SGCD: variants seen among roughly 807,000 people sequenced by gnomAD.
SGCD encodes sarcoglycan delta.
In SGCD, 18 loss-of-function variants were observed where a neutral mutation model predicts 36.6. The ratio of observed to expected loss-of-function variants is 0.49; its 90% confidence interval spans 0.34 to 0.73. The LOEUF (loss-of-function observed/expected upper bound fraction) is 0.73. SGCD is among the 30% of genes least tolerant of loss of function. The pLI, the probability that SGCD is intolerant of heterozygous loss-of-function variation, is 0.01. For missense variants in SGCD, 387 were observed against 346.7 expected, an observed-to-expected ratio of 1.12 and a Z score of -0.92; for synonymous variants, 133 against 130.6, an observed-to-expected ratio of 1.02 and a Z score of -0.12.
chr5:156,152,918 C>G (rs1762864908), intron 3 of SGCD, among the ~76,000 whole-genome samples: 1 of 151,608 alleles, frequency 6.6e-6, no homozygotes, highest in Non-Finnish European at 1.5e-5. Context: ...AAAAAGGCAT[C>G]AGGTGACATC....
rs1760212243 is a variant in SGCD, at chr5:156,061,749, A to G, written c.-281-56129A>G. ...TCAATGTAAAGAAAAAGTAAGACCC[A>G]AAGGCAACAAATATCTAATGGGTTG... On this transcript the variant is annotated intron_variant, in intron 1 of 9. Transcript: ENST00000517913. 1.4e-5 allele frequency among the ~76,000 whole-genome samples: 2 copies of G among 145,170 alleles called. 1 individual carries two copies. Among genetic ancestry groups the G allele is most frequent in the African/African-American group, 4.9e-5 (2 of 40,542 alleles).
intron 3 of SGCD, among the ~76,000 whole-genome samples, chr5:156,429,527 T>C (rs1773835097): frequency 6.6e-6 from 1 of 151,950 alleles, no homozygotes; most frequent in Non-Finnish European, 1.5e-5. Context: ...AGTATTAAGA[T>C]GTGAGGTCCC....
intron 3 of SGCD, among the ~76,000 whole-genome samples, chr5:156,321,623 G>A (rs1043905618): frequency 6.6e-6 from 1 of 151,982 alleles, no homozygotes; most frequent in Non-Finnish European, 1.5e-5. Flanking sequence ...TGCCTCCAGG[G>A]TTGTTATAGG....
intron 3 of SGCD, among the ~76,000 whole-genome samples, chr5:156,163,958 G>C (rs898217858): frequency 6.7e-6 from 1 of 149,346 alleles, no homozygotes; most frequent in Admixed American, 6.7e-5. Flanking sequence ...AGGAGGTGGA[G>C]CTTGCAGTGA....
chr5:156,679,541 G>T (rs187528037), intron 7 of SGCD, among the ~76,000 whole-genome samples: 46 of 152,176 alleles, frequency 3.0e-4, no homozygotes, highest in African/African-American at 1.1e-3. Flanking sequence ...TCCCCATCTT[G>T]CTCTAGGGGC....
intron 3 of SGCD, among the ~76,000 whole-genome samples, chr5:156,220,243 A>G (rs1354828243): frequency 1.3e-5 from 2 of 152,164 alleles, no homozygotes; most frequent in Non-Finnish European, 2.9e-5. Context: ...TTATTGCTAT[A>G]GAAGTCCTGC....
intron 1 of SGCD, among the ~76,000 whole-genome samples, chr5:156,086,039 C>G (rs1761083595): frequency 6.6e-6 from 1 of 152,066 alleles, no homozygotes; most frequent in African/African-American, 2.4e-5. Flanking sequence ...GTATCTTTTT[C>G]TATAGTTTTC....
At chr5:156,338,063 T>C (rs1287227233) in intron 2 of SGCD, among the ~76,000 whole-genome samples, 6 of 152,146 alleles carry the variant, frequency 3.9e-5, no homozygotes, top group Admixed American at 1.3e-4. Flanking sequence ...CAGCTCTGCC[T>C]TATGGTAGAG....
intron 7 of SGCD, among the ~76,000 whole-genome samples, chr5:156,718,732 G>A (rs1755338607): frequency 6.6e-6 from 1 of 151,336 alleles, no homozygotes; most frequent in South Asian, 2.1e-4. Flanking sequence ...ACTTTGGGAG[G>A]TTGAGGCAGG....
chr5:156,624,000 G>A (rs1035487896), intron 6 of SGCD, among the ~76,000 whole-genome samples: 4 of 152,178 alleles, frequency 2.6e-5, no homozygotes, highest in Admixed American at 6.5e-5. Flanking sequence ...AAGATTGCTG[G>A]TGGAGCAGAG....
chr5:156,201,000 CA>C (rs2127636899), intron 3 of SGCD, among the ~76,000 whole-genome samples: 1 of 151,974 alleles, frequency 6.6e-6, no homozygotes, highest in South Asian at 2.1e-4. Context: ...CACAAAAGGA[CA>C]AAAAAGTACT....
intron 1 of SGCD, among the ~76,000 whole-genome samples, chr5:155,903,543 G>A (rs548179050): frequency 6.6e-6 from 1 of 152,260 alleles, no homozygotes; most frequent in South Asian, 2.1e-4. Flanking sequence ...CTGAGCAGGA[G>A]CCTCTGAGTG....
intron 7 of SGCD, among the ~76,000 whole-genome samples, chr5:156,726,656 G>C (rs758145877): frequency 2.0e-5 from 3 of 152,246 alleles, no homozygotes; most frequent in Non-Finnish European, 2.9e-5. Flanking sequence ...TCCATCTCCT[G>C]TTTCTTTCTC....
chr5:155,933,783 C>T (rs1315197203), intron 1 of SGCD, among the ~76,000 whole-genome samples: 1 of 152,188 alleles, frequency 6.6e-6, no homozygotes, highest in Non-Finnish European at 1.5e-5. Context: ...TGCCCAAGGC[C>T]TTTGCTATAA....
intron 4 of SGCD, among the ~76,000 whole-genome samples, chr5:156,563,100 C>T (rs549743902): frequency 3.0e-4 from 46 of 152,236 alleles, no homozygotes; most frequent in African/African-American, 1.1e-3. Context: ...CTCCCTCAGC[C>T]TCCCCATTAG....
intron 6 of SGCD, among the ~76,000 whole-genome samples, chr5:156,611,119 G>C (rs181391049): frequency 2.0e-5 from 3 of 152,166 alleles, no homozygotes; most frequent in African/African-American, 7.2e-5. Context: ...GAAATCACCC[G>C]TCTTCTGCGC....
chr5:156,212,455 G>A (rs1028061613), intron 3 of SGCD, among the ~76,000 whole-genome samples: 2 of 152,130 alleles, frequency 1.3e-5, no homozygotes, highest in African/African-American at 4.8e-5. Context: ...TATAATAATT[G>A]TAAATATATG....
chr5:156,072,198 C>G (rs199906625), intron 1 of SGCD, among the ~76,000 whole-genome samples: 10 of 151,992 alleles, frequency 6.6e-5, no homozygotes, highest in African/African-American at 1.7e-4. Context: ...TATTTTGCTC[C>G]TTAGTTGATG....
chr5:156,027,924 G>A (rs756565897), intron 1 of SGCD, among the ~76,000 whole-genome samples: 21 of 152,244 alleles, frequency 1.4e-4, no homozygotes, highest in Non-Finnish European at 2.1e-4. Context: ...TGGCAGAAGT[G>A]CCTTAAACAC....
Sources: gnomAD v4.1 joint callset for allele counts (sites outside exome capture counted in the v4.1 genomes callset) on GRCh38, gnomAD v4.1.1 for gene constraint, MANE v1.5 for transcripts, NCBI Gene and HGNC (gene_info 2026-07-23, HGNC 2026-07-21) for gene names.